Variants in GRIK1 observed in about 807,000 individuals in gnomAD.
The protein encoded by GRIK1 is glutamate receptor ionotropic, kainate 1.
GRIK1 carries 69 observed loss-of-function variants against 105.7 expected under a neutral mutation model. The observed-to-expected ratio is 0.65, with a 90% CI of 0.54 to 0.80. The LOEUF is 0.80. GRIK1 is among the 30% of genes least tolerant of loss of function. The pLI, the probability that GRIK1 is intolerant of heterozygous loss-of-function variation, is 0.00. For synonymous variants in GRIK1, 438 were observed against 431.3 expected, an observed-to-expected ratio of 1.02 and a Z score of -0.19; for missense variants, 1,109 against 1,167.3, an observed-to-expected ratio of 0.95 and a Z score of 0.73.
At chr21:29,554,000 TG>T (rs528882303) in intron 16 of GRIK1, among the ~76,000 whole-genome samples, 46 of 152,166 alleles carry the variant, frequency 3.0e-4, no homozygotes, top group Non-Finnish European at 5.9e-4. Flanking sequence ...CTTGTAATTC[TG>T]GGGAAGATTT....
intron 1 of GRIK1, among the ~76,000 whole-genome samples, chr21:29,713,605 A>G (rs1041937574): frequency 1.3e-5 from 2 of 152,202 alleles, no homozygotes; most frequent in East Asian, 3.8e-4. Context: ...ATAAACTCTA[A>G]TTGTGGAATT....
intron 2 of GRIK1, among the ~76,000 whole-genome samples, chr21:29,691,974 G>T (rs868672414): frequency 3.3e-5 from 5 of 152,118 alleles, no homozygotes; most frequent in East Asian, 1.9e-4. Flanking sequence ...TTATTTTCTG[G>T]TTAGGTTTTC....
chr21:29,811,087 C>T (rs1483163209), intron 1 of GRIK1, among the ~76,000 whole-genome samples: 1 of 152,016 alleles, frequency 6.6e-6, no homozygotes, highest in Non-Finnish European at 1.5e-5. Flanking sequence ...TGGTGGTGCT[C>T]GCTGCTGCTG....
intron 1 of GRIK1, among the ~76,000 whole-genome samples, chr21:29,822,632 A>T (rs1292063893): frequency 6.6e-6 from 1 of 151,964 alleles, no homozygotes; most frequent in African/African-American, 2.4e-5. Flanking sequence ...AAAGAAGATA[A>T]TCTCCTCTTT....
At chr21:29,693,511 G>A (rs2063625065) in intron 2 of GRIK1, among the ~76,000 whole-genome samples, 1 of 152,164 alleles carries the variant, frequency 6.6e-6, no homozygotes, top group African/African-American at 2.4e-5. Flanking sequence ...TGAGTTATGT[G>A]TGTCCTGGGC....
chr21:29,825,646 T>G (rs2832447), intron 1 of GRIK1, among the ~76,000 whole-genome samples: 16,442 of 152,108 alleles, frequency 0.11, 954 homozygotes, highest in Admixed American at 0.16. Context: ...GTGAATCATT[T>G]TAAGAGATTA....
chr21:29,557,610 C>T (rs1173616566), intron 15 of GRIK1, among the ~76,000 whole-genome samples: 1 of 152,128 alleles, frequency 6.6e-6, no homozygotes. Flanking sequence ...TAATCGTCAG[C>T]ATTCAAAAGC....
At chr21:29,800,906 A>G (rs1279710443) in intron 1 of GRIK1, among the ~76,000 whole-genome samples, 1 of 152,162 alleles carries the variant, frequency 6.6e-6, no homozygotes, top group Non-Finnish European at 1.5e-5. Context: ...AGCTGATGGG[A>G]GAGGGCAAAG....
At chr21:29,795,114 C>T (rs1046978593) in intron 1 of GRIK1, among the ~76,000 whole-genome samples, 1 of 141,136 alleles carries the variant, frequency 7.1e-6, no homozygotes, top group African/African-American at 2.6e-5. Flanking sequence ...TGGCTCACTG[C>T]AACCTCTGCC....
rs149767794 is a variant in GRIK1 at position 29,777,646 on chromosome 21, A to C, written c.119-83583T>G. Among the ~76,000 whole-genome samples, 41 of 152,300 alleles carry C rather than the reference A, an allele frequency of 2.7e-4. 1 individual carries two copies. The highest frequency in any genetic ancestry group is 4.4e-4 in the Non-Finnish European group (30 of 68,028). On this transcript the variant is annotated intron_variant, in intron 1 of 17. Coordinates refer to ENST00000327783, the MANE Select transcript of GRIK1 (RefSeq NM_001330994.2). ...GGAACGAATATCTGGTGATACTGAA[A>C]ACCATATCAAGAAGTTTGTACCTCA...
At chr21:29,844,784 T>C (rs1882826) in intron 1 of GRIK1, among the ~76,000 whole-genome samples, 33,109 of 152,170 alleles carry the variant, frequency 0.22, 3,955 homozygotes, top group East Asian at 0.38. Flanking sequence ...ATAGCATTTA[T>C]ATAAATACTT....
chr21:29,589,969 C>T (rs1466047945), intron 10 of GRIK1, among the ~76,000 whole-genome samples: 3 of 152,136 alleles, frequency 2.0e-5, no homozygotes, highest in Non-Finnish European at 4.4e-5. Flanking sequence ...TCAAATCTCA[C>T]ATCTGGTCAT....
intron 7 of GRIK1, among the ~76,000 whole-genome samples, chr21:29,623,926 G>T (rs1445162513): frequency 1.3e-5 from 2 of 152,128 alleles, no homozygotes; most frequent in African/African-American, 2.4e-5. Context: ...TGTTTTGTTG[G>T]CAAATCTTGT....
chr21:29,581,345 C>T (rs948609004), intron 13 of GRIK1, 80 bp downstream of exon 13: 66 of 835,722 alleles, frequency 7.9e-5, no homozygotes, highest in Non-Finnish European at 5.0e-5. Context: ...TACCCTCTAG[C>T]TTCATGGTGG....
rs1569136953 is a variant in GRIK1 at position 29,827,974 on chromosome 21, G to GGTCT, written c.118+111408_118+111409insAGAC. Among the ~76,000 whole-genome samples, 1,103 of 111,406 alleles carry GGTCT rather than the reference G, an allele frequency of 9.9e-3. 15 individuals carry two copies. The highest frequency in any genetic ancestry group is 0.033 in the African/African-American group (1,059 of 32,534). 73.1% of individuals were successfully genotyped at this position (111,406 alleles called of 152,430 possible). On this transcript the variant is annotated intron_variant, in intron 1 of 17. Coordinates refer to ENST00000327783, the MANE Select transcript of GRIK1 (RefSeq NM_001330994.2). Reference sequence around the variant, plus strand: ...TCATGTCTTTCTATAATATAGTTAGGATCTCTCTCTCTCTCTCTCTCTCTC... The same window carrying GGTCT: ...TCATGTCTTTCTATAATATAGTTAGGGTCTATCTCTCTCTCTCTCTCTCTCTCTC...
intron 1 of GRIK1, among the ~76,000 whole-genome samples, chr21:29,817,395 A>G (rs948411142): frequency 1.1e-4 from 16 of 152,172 alleles, no homozygotes; most frequent in Non-Finnish European, 2.1e-4. Flanking sequence ...TTGTGATTTC[A>G]TGATCATTAC....
intron 3 of GRIK1, among the ~76,000 whole-genome samples, chr21:29,679,734 C>T (rs901542509): frequency 6.6e-6 from 1 of 152,126 alleles, no homozygotes; most frequent in Non-Finnish European, 1.5e-5. Flanking sequence ...TCTACTCCCT[C>T]AGGATATTAT....
At chr21:29,751,740 G>A (rs1001404461) in intron 1 of GRIK1, among the ~76,000 whole-genome samples, 4 of 152,282 alleles carry the variant, frequency 2.6e-5, no homozygotes, top group East Asian at 1.9e-4. Flanking sequence ...ATATGTCCTG[G>A]TGGGTACTGG....
rs920937386 is a variant in GRIK1, at chr21:29,558,221, A to G, written c.2357-2919T>C. Reference sequence around the variant, plus strand: ...GGGACAGAGCTTGCAGCCATAAGGGAGTTAGTCAGGGCAAGACTAGAAGTG... The same window carrying G: ...GGGACAGAGCTTGCAGCCATAAGGGGGTTAGTCAGGGCAAGACTAGAAGTG... On this transcript the variant is annotated intron_variant, in intron 15 of 17. Transcript: ENST00000327783. 2.4e-4 allele frequency among the ~76,000 whole-genome samples: 37 copies of G among 152,090 alleles called. 1 individual carries two copies. Among genetic ancestry groups the G allele is most frequent in the African/African-American group, 8.9e-4 (37 of 41,406 alleles).
Sources: gnomAD v4.1 joint callset for allele counts (sites outside exome capture counted in the v4.1 genomes callset) on GRCh38, gnomAD v4.1.1 for gene constraint, MANE v1.5 for transcripts, NCBI Gene and HGNC (gene_info 2026-07-23, HGNC 2026-07-21) for gene names.